FMNL2: variants seen among roughly 807,000 people sequenced by gnomAD.
FMNL2 encodes formin like 2.
FMNL2 carries 51 observed loss-of-function variants against 130.2 expected under a neutral mutation model. The ratio of observed to expected loss-of-function variants is 0.39; its 90% CI spans 0.31 to 0.49. The LOEUF (loss-of-function observed/expected upper bound fraction) is 0.49. FMNL2 is among the 20% of genes least tolerant of loss of function. The pLI is 0.85. For missense variants in FMNL2, 977 were observed against 1,316.2 expected (o/e 0.74, Z 3.99); for synonymous variants, 465 against 467.1 (o/e 1.00, Z 0.06).
chr2:152,339,645 T>G (rs980965185), intron 1 of FMNL2, among the ~76,000 whole-genome samples: 3 of 152,206 alleles, frequency 2.0e-5, no homozygotes, highest in Non-Finnish European at 4.4e-5. Context: ...TTTAAAATTA[T>G]TAGGAAGTAA....
intron 1 of FMNL2, among the ~76,000 whole-genome samples, chr2:152,477,108 G>A (rs2105211031): frequency 6.6e-6 from 1 of 152,270 alleles, no homozygotes; most frequent in Admixed American, 6.5e-5. Context: ...TGAAAAGATA[G>A]GGCAAGTAGC....
At chr2:152,584,043 C>G (rs1696932408) in intron 9 of FMNL2, among the ~76,000 whole-genome samples, 1 of 152,114 alleles carries the variant, frequency 6.6e-6, no homozygotes, top group African/African-American at 2.4e-5. Context: ...CTGTGTTGAT[C>G]TTGCTTTCTA....
chr2:152,649,510 T>G lies in FMNL2; in HGVS notation c.*1605T>G, dbSNP rs1040530903. On this transcript the variant is annotated 3_prime_UTR_variant, in exon 26 of 26. Coordinates refer to ENST00000288670, the MANE Select transcript of FMNL2 (RefSeq NM_052905.4). The stretch of plus-strand genomic sequence containing the variant: ...GGGCACATTCCCATAAATGTGTACT[T>G]TACTTTAAAAAGAACATGCCACGAT... 2 of 151,136 alleles carry G rather than the reference T, an allele frequency of 1.3e-5. No homozygotes were observed. Among genetic ancestry groups the G allele is most frequent in the Admixed American group, 6.6e-5 (1 of 15,178 alleles). The allele number at this position is 151,136 out of a possible 1,614,324, so 9.4% of individuals were successfully genotyped here. A position where few individuals can be genotyped will look rare whatever the true frequency, so the allele number is the denominator to read the frequency against.
chr2:152,382,112 T>A (rs555836687), intron 1 of FMNL2, among the ~76,000 whole-genome samples: 1 of 152,350 alleles, frequency 6.6e-6, no homozygotes, highest in East Asian at 1.9e-4. Context: ...AATCTTTACA[T>A]ACCGGTTTTA....
At chr2:152,556,043 T>C (rs993922288) in intron 4 of FMNL2, among the ~76,000 whole-genome samples, 1 of 152,228 alleles carries the variant, frequency 6.6e-6, no homozygotes, top group Non-Finnish European at 1.5e-5. Context: ...TCCTTACTCT[T>C]ATATTTCTGT....
At chr2:152,538,647 G>C (rs1026068816) in intron 2 of FMNL2, among the ~76,000 whole-genome samples, 1 of 152,160 alleles carries the variant, frequency 6.6e-6, no homozygotes, top group Admixed American at 6.5e-5. Context: ...GAAGGAGAGA[G>C]GGAGAGGGAG....
At chr2:152,448,729 A>G (rs888077262) in intron 1 of FMNL2, among the ~76,000 whole-genome samples, 1 of 152,216 alleles carries the variant, frequency 6.6e-6, no homozygotes, top group African/African-American at 2.4e-5. Context: ...TCAGCATTGA[A>G]TTTAAAAGTA....
chr2:152,604,931 C>T (rs201824559), intron 9 of FMNL2, among the ~76,000 whole-genome samples: 6 of 140,226 alleles, frequency 4.3e-5, no homozygotes, highest in African/African-American at 7.4e-5. Flanking sequence ...ATTCACATTG[C>T]AGTTCTGACC....
intron 2 of FMNL2, among the ~76,000 whole-genome samples, chr2:152,526,844 A>G (rs1432539213): frequency 1.3e-5 from 2 of 152,056 alleles, no homozygotes; most frequent in African/African-American, 2.4e-5. Context: ...AAAAATCGGT[A>G]TGCACCTTAT....
At chr2:152,481,379 A>T (rs1180591694) in intron 1 of FMNL2, among the ~76,000 whole-genome samples, 1 of 152,242 alleles carries the variant, frequency 6.6e-6, no homozygotes, top group Admixed American at 6.5e-5. Flanking sequence ...TCATTCAAAT[A>T]ATTAACTTGA....
rs938111040 is a variant in FMNL2, at chr2:152,648,000, C to T, written c.*95C>T. On this transcript the variant is annotated 3_prime_UTR_variant, in exon 26 of 26. Transcript: ENST00000288670. ...CGATTTAACTGCAGCCTTGAACACA[C>T]ACAAAAATATTCTTAAGGGCTCAGA... The T allele has an allele frequency of 9.6e-7, 1 of 1,039,854 alleles. No individual in the cohort carries two copies. The highest frequency in any genetic ancestry group is 1.6e-5 in the African/African-American group (1 of 62,010). 64.4% of individuals were successfully genotyped at this position (1,039,854 alleles called of 1,614,324 possible).
intron 1 of FMNL2, among the ~76,000 whole-genome samples, chr2:152,438,838 C>T (rs1187652229): frequency 1.3e-5 from 2 of 152,090 alleles, no homozygotes; most frequent in Non-Finnish European, 2.9e-5. Flanking sequence ...ATATGGAGAA[C>T]CTACTGTTAC....
intron 1 of FMNL2, among the ~76,000 whole-genome samples, chr2:152,412,928 G>T (rs1686400787): frequency 6.6e-6 from 1 of 152,156 alleles, no homozygotes; most frequent in Non-Finnish European, 1.5e-5. Flanking sequence ...GTCAGAAATG[G>T]TTGAATAGCA....
intron 2 of FMNL2, among the ~76,000 whole-genome samples, chr2:152,527,366 T>C (rs1265782616): frequency 6.6e-6 from 1 of 152,216 alleles, no homozygotes; most frequent in African/African-American, 2.4e-5. Context: ...TCACCATATA[T>C]ACGTCCAGTT....
At chr2:152,557,860 C>A (rs1695312159) in intron 4 of FMNL2, among the ~76,000 whole-genome samples, 2 of 152,108 alleles carry the variant, frequency 1.3e-5, no homozygotes, top group Non-Finnish European at 2.9e-5. Context: ...AGTAGTAGAT[C>A]TTTTAACTTA....
At chr2:152,560,230 C>G (rs1695450456) in intron 5 of FMNL2, among the ~76,000 whole-genome samples, 1 of 151,718 alleles carries the variant, frequency 6.6e-6, no homozygotes, top group Non-Finnish European at 1.5e-5. Flanking sequence ...AGCACAAAAG[C>G]CTGTCTGTTT....
At chr2:152,562,356 G>T (rs952640769) in intron 6 of FMNL2, among the ~76,000 whole-genome samples, 1 of 152,158 alleles carries the variant, frequency 6.6e-6, no homozygotes, top group African/African-American at 2.4e-5. Flanking sequence ...ATCACTCCGG[G>T]TATTCAGTCA....
intron 10 of FMNL2, 57 bp downstream of exon 10, chr2:152,607,470 T>TAC (rs3080598): frequency 0.025 from 15,371 of 617,088 alleles, 169 homozygotes; most frequent in African/African-American, 0.078. Flanking sequence ...TTTTTCTAAA[T>TAC]ACACACACAC....
chr2:152,635,486 CAAGTT>C (rs1682517846), intron 21 of FMNL2, among the ~76,000 whole-genome samples: 1 of 152,188 alleles, frequency 6.6e-6, no homozygotes, highest in Admixed American at 6.5e-5. Context: ...ATACAAACAG[CAAGTT>C]AATACGTCAT....
Sources: allele counts gnomAD v4.1 joint callset (sites outside exome capture counted in the v4.1 genomes callset), GRCh38; gene constraint gnomAD v4.1.1; transcripts MANE v1.5; gene names NCBI Gene and HGNC (gene_info 2026-07-23, HGNC 2026-07-21).